NALCN: variants seen among roughly 807,000 people sequenced by gnomAD.
NALCN encodes the protein sodium leak channel NALCN.
In NALCN, 111 loss-of-function variants were observed where a neutral mutation model predicts 225.3. The observed-to-expected ratio is 0.49, with a 90% CI of 0.42 to 0.58. The LOEUF is 0.58. Among genes scored for constraint, NALCN ranks in the 20% least tolerant of loss-of-function variants. The probability of loss-of-function intolerance (pLI) is 0.00; values close to 1 mark genes in which losing one functional copy is unlikely to be tolerated. For synonymous variants in NALCN, 764 were observed against 769.0 expected, an observed-to-expected ratio of 0.99 and a Z score of 0.11; for missense variants, 1,378 against 2,202.4, an observed-to-expected ratio of 0.63 and a Z score of 7.49.
intron 17 of NALCN, among the ~76,000 whole-genome samples, chr13:101,135,737 C>T (rs1408092282): frequency 1.3e-5 from 2 of 152,198 alleles, no homozygotes; most frequent in African/African-American, 4.8e-5. Context: ...TCAACACCAT[C>T]ATCAGCAACA....
intron 12 of NALCN, among the ~76,000 whole-genome samples, chr13:101,231,291 T>C (rs1456421838): frequency 1.3e-5 from 2 of 152,202 alleles, no homozygotes; most frequent in Non-Finnish European, 2.9e-5. Context: ...TTGACAAATT[T>C]ATTCACTCAT....
chr13:101,163,582 A>G (rs2038292308), intron 15 of NALCN, among the ~76,000 whole-genome samples: 1 of 152,144 alleles, frequency 6.6e-6, no homozygotes, highest in Non-Finnish European at 1.5e-5. Flanking sequence ...GCAGAAGAAA[A>G]TAACTCCAAC....
At chr13:101,167,499 G>A (rs543429500) in intron 15 of NALCN, among the ~76,000 whole-genome samples, 11 of 152,214 alleles carry the variant, frequency 7.2e-5, no homozygotes, top group African/African-American at 2.4e-4. Context: ...ATAAGTTGAG[G>A]AGCATACTGA....
At chr13:101,214,196 C>G (rs1444966475) in intron 13 of NALCN, among the ~76,000 whole-genome samples, 1 of 150,544 alleles carries the variant, frequency 6.6e-6, no homozygotes, top group Admixed American at 6.7e-5. Flanking sequence ...ATCGCAAGGA[C>G]AGAAAACCAA....
chr13:101,391,377 A>G (rs2047139255), intron 3 of NALCN, among the ~76,000 whole-genome samples: 1 of 152,242 alleles, frequency 6.6e-6, no homozygotes, highest in East Asian at 1.9e-4. Flanking sequence ...CAATAGACCA[A>G]GCAAGTCTGA....
At chr13:101,108,088 GA>G (rs1430823990) in intron 20 of NALCN, among the ~76,000 whole-genome samples, 2 of 147,422 alleles carry the variant, frequency 1.4e-5, no homozygotes, top group African/African-American at 4.9e-5. Context: ...ATATCTATAT[GA>G]AATGTATATA....
intron 14 of NALCN, among the ~76,000 whole-genome samples, chr13:101,187,167 T>A (rs564244570): frequency 6.6e-6 from 1 of 152,320 alleles, no homozygotes; most frequent in South Asian, 2.1e-4. Context: ...AGAATGCGTA[T>A]TCACATAACT....
chr13:101,392,299 A>AT (rs1390719456), intron 3 of NALCN, among the ~76,000 whole-genome samples: 1 of 152,166 alleles, frequency 6.6e-6, no homozygotes, highest in African/African-American at 2.4e-5. Context: ...AAAACAACAC[A>AT]TTAAAATAGA....
intron 35 of NALCN, 102 bp from the exon 36 acceptor site, chr13:101,074,764 T>A: frequency 7.4e-7 from 1 of 1,353,772 alleles, no homozygotes; most frequent in Admixed American, 2.8e-5. Context: ...TATTAAGCTA[T>A]GGAAGACCTG....
At chr13:101,087,032 A>C (rs965241178) in intron 30 of NALCN, among the ~76,000 whole-genome samples, 12 of 152,302 alleles carry the variant, frequency 7.9e-5, no homozygotes, top group African/African-American at 2.6e-4. Flanking sequence ...ATAGGCATGG[A>C]GATATCATCT....
At chr13:101,220,814 T>G (rs1182745652) in intron 13 of NALCN, among the ~76,000 whole-genome samples, 1 of 152,180 alleles carries the variant, frequency 6.6e-6, no homozygotes, top group African/African-American at 2.4e-5. Flanking sequence ...ATACAGATAA[T>G]ATTATCAATT....
At chr13:101,350,015 A>T (rs1304256969) in intron 6 of NALCN, among the ~76,000 whole-genome samples, 1 of 152,136 alleles carries the variant, frequency 6.6e-6, no homozygotes, top group Non-Finnish European at 1.5e-5. Context: ...CACGTTCTCC[A>T]ACATATTCTC....
rs1182947140 is a variant in NALCN, at chr13:101,188,021, C to T, written c.1764+3896G>A. ...TAGTATAGAGCAATTTGGGCAGTAC[C>T]TAAGATCTAAGCATTCTACTTTTGG... On this transcript the variant is annotated intron_variant, in intron 14 of 43. Coordinates refer to ENST00000251127, the MANE Select transcript of NALCN (RefSeq NM_052867.4). 2.0e-5 allele frequency among the ~76,000 whole-genome samples: 3 copies of T among 152,190 alleles called. No individual in the cohort carries two copies. The East Asian group carries it at 5.8e-4, about 29-fold the overall frequency.
Position 101,083,973 on chromosome 13 carries a change from C to T in NALCN, c.3490-169G>A, listed in dbSNP as rs685177. Among the ~76,000 whole-genome samples, 114,596 of 152,034 alleles carry T rather than the reference C, an allele frequency of 0.75. 44,060 individuals are homozygous for T. Among genetic ancestry groups the T allele is most frequent in the African/African-American group, 0.88 (36,704 of 41,484 alleles). ...TGGTCAGAATGCTCAAAGTTGGTCTCGGGAGGAGTTCCCAAAATGATGACC... is the reference window on the plus strand; with the variant it reads ...TGGTCAGAATGCTCAAAGTTGGTCTTGGGAGGAGTTCCCAAAATGATGACC... On this transcript the variant is annotated intron_variant, in intron 30 of 43. Transcript: ENST00000251127.
At chr13:101,320,621 C>A (rs1340424256) in intron 7 of NALCN, among the ~76,000 whole-genome samples, 1 of 152,074 alleles carries the variant, frequency 6.6e-6, no homozygotes, top group East Asian at 1.9e-4. Context: ...CAGTTTACTG[C>A]CTTTCAAGAC....
chr13:101,087,338 T>A (rs2033981845), intron 30 of NALCN, among the ~76,000 whole-genome samples: 2 of 152,150 alleles, frequency 1.3e-5, no homozygotes, highest in Non-Finnish European at 2.9e-5. Context: ...AAATAACTTT[T>A]CTGTGTTTAG....
intron 14 of NALCN, among the ~76,000 whole-genome samples, chr13:101,187,673 T>C (rs1182947806): frequency 2.0e-5 from 3 of 152,322 alleles, no homozygotes; most frequent in African/African-American, 4.8e-5. Flanking sequence ...GCAAGCCCAA[T>C]TGATACCAGT....
chr13:101,103,597 C>G (rs1041955119), intron 25 of NALCN, among the ~76,000 whole-genome samples: 1 of 152,092 alleles, frequency 6.6e-6, no homozygotes, highest in African/African-American at 2.4e-5. Flanking sequence ...TGCGTTCTGC[C>G]TCTTCTTTTA....
At chr13:101,414,940 G>A (rs2047890912) in intron 1 of NALCN, among the ~76,000 whole-genome samples, 1 of 151,998 alleles carries the variant, frequency 6.6e-6, no homozygotes, top group Non-Finnish European at 1.5e-5. Flanking sequence ...TTTTAGCAGT[G>A]GCTAGGTCAA....
Sources: gnomAD v4.1 joint callset for allele counts (sites outside exome capture counted in the v4.1 genomes callset) on GRCh38, gnomAD v4.1.1 for gene constraint, MANE v1.5 for transcripts, NCBI Gene and HGNC (gene_info 2026-07-23, HGNC 2026-07-21) for gene names.